The following NACA variants were observed in gnomAD, a reference collection of about 807,000 sequenced individuals.
The protein encoded by NACA is nascent polypeptide-associated complex subunit alpha.
Under a neutral mutation model 86.4 loss-of-function variants are expected in NACA, and 42 were observed. That is an observed-to-expected ratio of 0.49 (90% CI 0.38 to 0.63). The LOEUF (loss-of-function observed/expected upper bound fraction) is 0.63, where lower values mean the gene tolerates loss of function less well. Ranked by LOEUF, NACA falls within the 20% of genes least tolerant of loss-of-function variation. The pLI is 0.00. For missense variants in NACA, 2,157 were observed against 2,483.6 expected (o/e 0.87, Z 2.80); for synonymous variants, 898 against 973.7 (o/e 0.92, Z 1.45).
Position 56,720,096 on chromosome 12 carries a change from A to G in NACA, c.1434T>C (p.Thr478=). The G allele has an allele frequency of 6.2e-6, 10 of 1,613,942 alleles. No individual in the cohort carries two copies. The highest frequency in any genetic ancestry group is 8.5e-6 in the Non-Finnish European group (10 of 1,179,874). ...SSGPISNIEP[T]SPAALVMAPV... is the part of the protein sequence containing the mutation. The stretch of plus-strand genomic sequence containing the variant: ...GTGCCATAACCAAGGCAGCAGGGGA[A>G]GTTGGTTCTATGTTACTTATGGGAC... The change falls in exon 3 of 9, where the codon ACT becomes ACC. Residue 478 remains threonine, a synonymous_variant. Coordinates refer to ENST00000454682, the MANE Select transcript of NACA (RefSeq NM_001365896.1).
intron 1 of NACA, 90 bp from the exon 2 acceptor site, chr12:56,724,613 G>T: frequency 7.2e-7 from 1 of 1,394,836 alleles, no homozygotes; most frequent in African/African-American, 1.4e-5. Flanking sequence ...AAACTCCGAG[G>T]AGGGCTGTTA....
chr12:56,712,812 T>C lies in NACA; in HGVS notation c.6196A>G (p.Ser2066Gly). 1.2e-6 allele frequency: 2 copies of C among 1,614,240 alleles called. No individual in the cohort carries two copies. Among genetic ancestry groups the C allele is most frequent in the Non-Finnish European group, 1.7e-6 (2 of 1,180,040 alleles). The change falls in exon 8 of 9, where the codon AGT (serine) becomes GGT (glycine). Residue 2066 changes from serine to glycine, a missense_variant. Physicochemically the swap from Ser to Gly is moderately conservative, Grantham distance 56. This residue lies in a region of NACA where 81 missense variants were observed against 200.6 expected (regional missense o/e 0.40). Transcript: ENST00000454682. ...AKAVRALKNN[S>G]NDIVNAIMEL... ...ATAATCGCATTTACAATATCATTAC[T>C]GTTGTTCTTCAGGGCTCGGACTGCC...
At chr12:56,715,836 G>T in intron 3 of NACA, 35 bp downstream of exon 3, 1 of 1,488,364 alleles carries the variant, frequency 6.7e-7, no homozygotes, top group Non-Finnish European at 9.0e-7. Context: ...GTGGACGACA[G>T]ACACACCATG....
In NACA at chr12:56,716,473, A is replaced by C. The variant is rs1271225851; in HGVS notation, c.5057T>G (p.Val1686Gly). 6.4e-7 allele frequency: 1 copy of C among 1,551,070 alleles called. No homozygotes were observed. The highest frequency in any genetic ancestry group is 1.7e-5 in the Admixed American group (1 of 57,872). Reference protein sequence around the residue: ...KGPTALKEVLVAPAPESTPII... With the variant: ...KGPTALKEVLGAPAPESTPII... Reference sequence around the variant, plus strand: ...TGGCGTGCTTTCTGGAGCTGGGGCAACAAGTACTTCTTTCAGAGCTGTGGG... The same window carrying C: ...TGGCGTGCTTTCTGGAGCTGGGGCACCAAGTACTTCTTTCAGAGCTGTGGG... The change falls in exon 3 of 9, where the codon GTT (valine) becomes GGT (glycine). Residue 1686 changes from valine (V) to glycine (G), a missense_variant. Transcript: ENST00000454682.
rs762712521 is a variant in NACA at position 56,716,746 on chromosome 12, G to A, written c.4784C>T (p.Ser1595Phe). The change falls in exon 3 of 9, where the codon TCC (serine) becomes TTC (phenylalanine). Residue 1595 changes from serine to phenylalanine, a missense_variant. Coordinates refer to ENST00000454682, the MANE Select transcript of NACA (RefSeq NM_001365896.1). ...TGGTGGAATGAGGAGCTCTTTGGGG[G>A]ATGGGGCCCCTTTGTAAGTGGAAGG... ...VTPSTYKGAP[S>F]PKELLIPPAV... 7.2e-7 allele frequency: 1 copy of A among 1,385,452 alleles called. No homozygotes were observed. Among genetic ancestry groups the A allele is most frequent in the Non-Finnish European group, 9.6e-7 (1 of 1,046,560 alleles). The allele number at this position is 1,385,452 out of a possible 1,614,324, so 85.8% of individuals were successfully genotyped here. A position where few individuals can be genotyped will look rare whatever the true frequency, so the allele number is the denominator to read the frequency against.
At position 56,715,872 on chromosome 12, in the gene NACA, CTTG is replaced by C. The variant is rs749959670; in HGVS notation, c.5655_5657del (p.Asn1885del). The C allele has an allele frequency of 1.7e-5, 25 of 1,514,366 alleles. No individual in the cohort carries two copies. The East Asian group carries it at 1.8e-4, about 11-fold the overall frequency. 93.8% of individuals were successfully genotyped at this position (1,514,366 alleles called of 1,614,324 possible). ...CACACGGCAAACCAAGGCAAATACC[CTTG>C]TTGTTCTTCGTAACAGGTTGCTTGG... On this transcript the variant is annotated inframe_deletion and splice_region_variant, in exon 3 of 9. Coordinates refer to ENST00000454682, the MANE Select transcript of NACA (RefSeq NM_001365896.1).
At chr12:56,715,206 A>T (rs993817887) in intron 3 of NACA, among the ~76,000 whole-genome samples, 1 of 152,114 alleles carries the variant, frequency 6.6e-6, no homozygotes, top group African/African-American at 2.4e-5. Flanking sequence ...TTTTCAAACC[A>T]TTCACCCCAG....
intron 5 of NACA, chr12:56,714,095 C>T (rs1008495454): frequency 2.2e-6 from 1 of 454,166 alleles, no homozygotes; most frequent in Admixed American, 3.7e-5. Context: ...GATCCATCTG[C>T]CTTGGCCTTC....
Position 56,719,223 on chromosome 12 carries a change from C to G in NACA, c.2307G>C (p.Glu769Asp). The G allele has an allele frequency of 1.3e-6, 2 of 1,504,728 alleles. No individual in the cohort carries two copies. Among genetic ancestry groups the G allele is most frequent in the South Asian group, 1.1e-5 (1 of 89,110 alleles). The allele number at this position is 1,504,728 out of a possible 1,614,324, so 93.2% of individuals were successfully genotyped here. A position where few individuals can be genotyped will look rare whatever the true frequency, so the allele number is the denominator to read the frequency against. ...AAGCACCAGAGTCCTCAGTTGGGCA[C>G]TCTTTGGGAGAGGAAGCAACAGGTG... ...ALAPVASSPK[E>D]CPTEDSGASA... Residue 769 changes from glutamate to aspartate, a missense_variant, in exon 3 of 9, where the codon GAG becomes GAC. Physicochemically the swap from Glu to Asp is conservative, Grantham distance 45. Around this residue, in one of 8 missense-constraint regions of NACA, gnomAD observed 947 missense variants for 917.9 expected, o/e 1.03. Transcript: ENST00000454682.
At chr12:56,714,087 T>C (rs909615292) in intron 5 of NACA, 3 of 436,252 alleles carry the variant, frequency 6.9e-6, no homozygotes, top group Non-Finnish European at 1.2e-5. Flanking sequence ...CCTCAAGTGA[T>C]CCATCTGCCT....
At position 56,719,782 on chromosome 12, in the gene NACA, G is replaced by C; in HGVS notation, c.1748C>G (p.Pro583Arg). ...FQSTSSSPEI[P>R]LSPEATLAKK... Reference sequence around the variant, plus strand: ...TGCTAGGGTGGCTTCAGGAGAAAGAGGTATCTCTGGAGAAGAGGATGTACT... The same window carrying C: ...TGCTAGGGTGGCTTCAGGAGAAAGACGTATCTCTGGAGAAGAGGATGTACT... The change falls in exon 3 of 9, where the codon CCT (proline) becomes CGT (arginine). Residue 583 changes from proline (P) to arginine (R), a missense_variant. Transcript: ENST00000454682. The C allele has an allele frequency of 6.2e-7, 1 of 1,613,814 alleles. No individual in the cohort carries two copies. Among genetic ancestry groups the C allele is most frequent in the Non-Finnish European group, 8.5e-7 (1 of 1,179,842 alleles).
rs1489922243 is a variant in NACA, at chr12:56,712,897, T to C, written c.6111A>G (p.Thr2037=). The C allele has an allele frequency of 4.3e-6, 7 of 1,614,208 alleles. No individual in the cohort carries two copies. The highest frequency in any genetic ancestry group is 5.9e-6 in the Non-Finnish European group (7 of 1,180,028). ...ATTCAATGTCCTTAACTTCTACACC[T>C]GTTTCATCGACCTGAGAGATGAGAG... is the stretch of plus-strand genomic sequence containing the variant. ...EESEEEEVDE[T]GVEVKDIELV... Residue 2037 remains threonine, a synonymous_variant, in exon 8 of 9, where the codon ACA becomes ACG. Transcript: ENST00000454682.
rs773861647 is a variant in NACA, at chr12:56,716,213, G to A, written c.5317C>T (p.Leu1773=). The A allele has an allele frequency of 6.2e-7, 1 of 1,613,824 alleles. No individual in the cohort carries two copies. Among genetic ancestry groups the A allele is most frequent in the South Asian group, 1.1e-5 (1 of 91,086 alleles). Residue 1773 remains leucine (L), a synonymous_variant, in exon 3 of 9, where the codon CTA becomes TTA. Coordinates refer to ENST00000454682, the MANE Select transcript of NACA (RefSeq NM_001365896.1). ...ACCTTCTCAAAGGCAGCTGCTGTTA[G>A]AGGGGTGGACGCCTTAGACTCAGGA... ...APPESKASTP[L]TAAAFEKVLP... is the part of the protein sequence containing the mutation.
Position 56,715,914 on chromosome 12 carries a change from G to C in NACA, c.5616C>G (p.Val1872=). ...CAGGTTGCTTGGCAGAGGGGGTTGG[G>C]ACAGGGATTCCAGCAGATTTAGGGG... ...MPTPKSAGIP[V]PTPSAKQPVT... Residue 1872 remains valine (V), a synonymous_variant, in exon 3 of 9, where the codon GTC becomes GTG. Transcript: ENST00000454682. 1 of 1,521,954 alleles carries C rather than the reference G, an allele frequency of 6.6e-7. No individual in the cohort carries two copies. The highest frequency in any genetic ancestry group is 1.3e-5 in the South Asian group (1 of 76,680). 94.3% of individuals were successfully genotyped at this position (1,521,954 alleles called of 1,614,324 possible). A position where few individuals can be genotyped will look rare whatever the true frequency, so the allele number is the denominator to read the frequency against.
In NACA at chr12:56,720,237, C is replaced by T. The variant is rs757879793; in HGVS notation, c.1293G>A (p.Met431Ile). 6.2e-7 allele frequency: 1 copy of T among 1,613,772 alleles called. No homozygotes were observed. Among genetic ancestry groups the T allele is most frequent in the Non-Finnish European group, 8.5e-7 (1 of 1,179,860 alleles). The change falls in exon 3 of 9, where the codon ATG becomes ATA. Residue 431 changes from methionine (M) to isoleucine (I), a missense_variant. Coordinates refer to ENST00000454682, the MANE Select transcript of NACA (RefSeq NM_001365896.1). The stretch of plus-strand genomic sequence containing the variant: ...GGGTGGTTCCAACAGAAGAAACGGG[C>T]ATTTGGGCCACTAAAGGATAATGAT... Reference protein sequence around the residue: ...ATYHYPLVAQMPVSSVGTTPL... With the variant: ...ATYHYPLVAQIPVSSVGTTPL...
chr12:56,714,463 G>C, intron 4 of NACA, 24 bp from the exon 5 acceptor site: 1 of 1,612,324 alleles, frequency 6.2e-7, no homozygotes, highest in Non-Finnish European at 8.5e-7. Context: ...ACAGCTATTA[G>C]TTAACCAGAA....
rs777165665 is a variant in NACA at position 56,717,383 on chromosome 12, C to T, written c.4147G>A (p.Ala1383Thr). ...CTTTTGGGGGAGGGAGGAGTCATAG[C>T]GGGACCTCCTTTGTGGGAGGGGGTT... ...AATPSHKGGPAMTPPSPKRGP... is the reference protein window; with the variant it reads ...AATPSHKGGPTMTPPSPKRGP... The change falls in exon 3 of 9, where the codon GCT (alanine) becomes ACT (threonine). Residue 1383 changes from alanine to threonine, a missense_variant. Ala to Thr is a moderately conservative substitution (Grantham distance 58, BLOSUM62 0). Transcript: ENST00000454682. 19 of 1,189,060 alleles carry T rather than the reference C, an allele frequency of 1.6e-5. No individual in the cohort carries two copies. Among genetic ancestry groups the T allele is most frequent in the East Asian group, 4.2e-5 (1 of 23,940 alleles). The allele number at this position is 1,189,060 out of a possible 1,614,324, so 73.7% of individuals were successfully genotyped here.
In NACA at chr12:56,713,699, T is replaced by C. The variant is rs781505432; in HGVS notation, c.5824-16A>G. The C allele has an allele frequency of 5.0e-6, 8 of 1,612,396 alleles. No individual in the cohort carries two copies. The highest frequency in any genetic ancestry group is 2.2e-5 in the East Asian group (1 of 44,866). ...TGGACATAGCCTAAAGAAGAGAAAA[T>C]AGTATCAGGTTTTCAACCTCTTTAG... is the stretch of plus-strand genomic sequence containing the variant. On this transcript the variant is annotated splice_polypyrimidine_tract_variant and intron_variant, in intron 5 of 8. Transcript: ENST00000454682.
intron 2 of NACA, among the ~76,000 whole-genome samples, chr12:56,722,817 G>A (rs562822014): frequency 6.6e-5 from 9 of 136,538 alleles, no homozygotes; most frequent in Middle Eastern, 4.2e-3. Context: ...CAGTAAGACA[G>A]TATCTCTGGC....
Sources: gnomAD v4.1 joint callset for allele counts (sites outside exome capture counted in the v4.1 genomes callset) on GRCh38, gnomAD v4.1.1 for gene constraint, gnomAD v4.1.1 regional missense constraint, MANE v1.5 for transcripts, NCBI Gene and HGNC (gene_info 2026-07-23, HGNC 2026-07-21) for gene names.